ENTPD1: variants seen among roughly 807,000 people sequenced by gnomAD.
ENTPD1 encodes ectonucleoside triphosphate diphosphohydrolase 1, also known as ATP diphosphohydrolase.
In ENTPD1, 33 loss-of-function variants were observed where a neutral mutation model predicts 57.0. The ratio of observed to expected loss-of-function variants is 0.58; its 90% CI spans 0.44 to 0.77. The LOEUF (loss-of-function observed/expected upper bound fraction) is 0.77. Ranked by LOEUF, ENTPD1 falls within the 30% of genes least tolerant of loss-of-function variation. The pLI is 0.00. For synonymous variants in ENTPD1, 202 were observed against 218.8 expected, an observed-to-expected ratio of 0.92 and a Z score of 0.68; for missense variants, 501 against 603.4, an observed-to-expected ratio of 0.83 and a Z score of 1.78.
chr10:95,791,369 G>A lies in ENTPD1; in HGVS notation c.17-31868G>A, dbSNP rs182534645. Reference sequence around the variant, plus strand: ...ATGTAAAGAATGGTAAATGGAACTGGAGCTATTTAGCCTGGAGAATAGGGG... The same window carrying A: ...ATGTAAAGAATGGTAAATGGAACTGAAGCTATTTAGCCTGGAGAATAGGGG... On this transcript the variant is annotated intron_variant, in intron 1 of 9. Transcript: ENST00000371205. This position sits in a 1 kb window ranked among gnomAD's most constrained non-coding sequence, Gnocchi z 4.1. Among the ~76,000 whole-genome samples the A allele has an allele frequency of 2.0e-5, 3 of 152,254 alleles. No homozygotes were observed. In the East Asian group the frequency reaches 5.8e-4, roughly 29 times the overall value.
chr10:95,801,808 T>A (rs1271685585), intron 1 of ENTPD1, among the ~76,000 whole-genome samples: 2 of 152,120 alleles, frequency 1.3e-5, no homozygotes, highest in African/African-American at 4.8e-5. Flanking sequence ...CCTTGGTTAT[T>A]TGGGCTCTTT....
At chr10:95,805,816 GC>G (rs1210684958) in intron 1 of ENTPD1, among the ~76,000 whole-genome samples, 2 of 152,120 alleles carry the variant, frequency 1.3e-5, no homozygotes, top group African/African-American at 4.8e-5. Context: ...TTGAATATTG[GC>G]CCCCATTCTC....
At chr10:95,755,937 G>C, upstream of ENTPD1, 2 of 1,482,798 alleles carry the variant, frequency 1.3e-6, no homozygotes. Context: ...GAGAAAGAGA[G>C]AGAGATTTGA....
At chr10:95,864,482 G>C (rs2098470567) in intron 8 of ENTPD1, among the ~76,000 whole-genome samples, 1 of 152,126 alleles carries the variant, frequency 6.6e-6, no homozygotes, top group African/African-American at 2.4e-5. Flanking sequence ...TTTCCTGGAG[G>C]ACCTGTTATT....
chr10:95,825,999 TGACAGAGTAA>T (rs2098374727), intron 2 of ENTPD1, among the ~76,000 whole-genome samples: 1 of 152,222 alleles, frequency 6.6e-6, no homozygotes, highest in Admixed American at 6.5e-5. Flanking sequence ...CCAGTCTGGC[TGACAGAGTAA>T]GACTCTGTCT....
intron 1 of ENTPD1, among the ~76,000 whole-genome samples, chr10:95,820,984 A>G: frequency 6.6e-6 from 1 of 152,252 alleles, no homozygotes; most frequent in East Asian, 1.9e-4. Context: ...ACCTTGTTGA[A>G]TAGCTTGAGG....
At chr10:95,765,867 A>G (rs1318479327) in intron 1 of ENTPD1, among the ~76,000 whole-genome samples, 1 of 152,148 alleles carries the variant, frequency 6.6e-6, no homozygotes, top group Non-Finnish European at 1.5e-5. Flanking sequence ...CTTAAGTAAT[A>G]TTTTGTAGTT....
chr10:95,869,160 C>A lies in ENTPD1; in HGVS notation c.*2777C>A, dbSNP rs73315224. 3.0e-6 allele frequency: 3 copies of A among 984,308 alleles called. No individual in the cohort carries two copies. Among genetic ancestry groups the A allele is most frequent in the Non-Finnish European group, 2.4e-6 (2 of 829,792 alleles). The allele number at this position is 984,308 out of a possible 1,614,324, so 61.0% of individuals were successfully genotyped here. On this transcript the variant is annotated 3_prime_UTR_variant, in exon 10 of 10. Transcript: ENST00000371205. Reference sequence around the variant, plus strand: ...GCTAACCCTGTTCCTTTATGAGGAACCTTTTAAAGATTCCTTTATAAGGTG... The same window carrying A: ...GCTAACCCTGTTCCTTTATGAGGAAACTTTTAAAGATTCCTTTATAAGGTG...
chr10:95,739,642 ACCCCT>A (rs1287795041), intron 1 of ENTPD1, among the ~76,000 whole-genome samples: 9 of 151,868 alleles, frequency 5.9e-5, no homozygotes, highest in African/African-American at 2.2e-4. Context: ...GAAGTCTTGA[ACCCCT>A]CCAAGTCATC....
At position 95,835,582 on chromosome 10, in the gene ENTPD1, C is replaced by T. The variant is rs545159728; in HGVS notation, c.145-4109C>T. The stretch of plus-strand genomic sequence containing the variant: ...CAGTGTGTAAGCATTCTCTTGTATG[C>T]ACAATCTTGCCAGCATCTGTTATTT... On this transcript the variant is annotated intron_variant, in intron 2 of 9. Coordinates refer to ENST00000371205, the MANE Select transcript of ENTPD1 (RefSeq NM_001776.6). Among the ~76,000 whole-genome samples the T allele has an allele frequency of 2.0e-5, 3 of 152,304 alleles. No individual in the cohort carries two copies. The South Asian group carries it at 6.2e-4, about 32-fold the overall frequency.
chr10:95,742,928 T>C (rs1459460305), intron 1 of ENTPD1, among the ~76,000 whole-genome samples: 1 of 152,236 alleles, frequency 6.6e-6, no homozygotes, highest in Non-Finnish European at 1.5e-5. Flanking sequence ...CCAGGTACTC[T>C]CTACCCAGTT....
At chr10:95,760,502 A>G (rs1199676807) in intron 1 of ENTPD1, among the ~76,000 whole-genome samples, 4 of 152,224 alleles carry the variant, frequency 2.6e-5, no homozygotes, top group African/African-American at 7.2e-5. Flanking sequence ...GTAATCAAAT[A>G]AGCCTTTACA....
intron 1 of ENTPD1, 51 bp from the exon 2 acceptor site, chr10:95,823,186 C>T: frequency 6.2e-7 from 1 of 1,610,636 alleles, no homozygotes; most frequent in Non-Finnish European, 8.5e-7. Context: ...GGAGGAAAAT[C>T]AGTGTTTTTG....
intron 1 of ENTPD1, among the ~76,000 whole-genome samples, chr10:95,717,660 A>G (rs953374143): frequency 3.9e-5 from 6 of 152,114 alleles, no homozygotes; most frequent in East Asian, 1.9e-4. Context: ...TAGTCGGCCT[A>G]GGAAATCCAG....
intron 1 of ENTPD1, among the ~76,000 whole-genome samples, chr10:95,792,815 G>T (rs1247814066): frequency 6.6e-6 from 1 of 152,282 alleles, no homozygotes; most frequent in African/African-American, 2.4e-5. Context: ...GCACGGGAAA[G>T]CATTTGTTAT....
chr10:95,755,362 C>T, upstream of ENTPD1: 1 of 229,550 alleles, frequency 4.4e-6, no homozygotes, highest in South Asian at 8.6e-5. Flanking sequence ...GAGGACTTAC[C>T]TTCCTTTCAA....
chr10:95,839,948 A>G, intron 3 of ENTPD1, 140 bp downstream of exon 3: 1 of 789,344 alleles, frequency 1.3e-6, no homozygotes, highest in Non-Finnish European at 2.1e-6. Flanking sequence ...TGCTGTTGTT[A>G]TGTTATCGTT....
chr10:95,696,218 G>A, the ENTPD1 span, among the ~76,000 whole-genome samples: 6 of 151,858 alleles, frequency 4.0e-5, no homozygotes, highest in African/African-American at 9.7e-5. Context: ...TTTTGTTATA[G>A]TTAAGCAAAA....
Position 95,872,174 on chromosome 10 carries a change from T to G in ENTPD1, c.*5791T>G. On this transcript the variant is annotated 3_prime_UTR_variant, in exon 10 of 10. Coordinates refer to ENST00000371205, the MANE Select transcript of ENTPD1 (RefSeq NM_001776.6). ...TGGACTGATACCAGGAATGGTGGTG[T>G]TGCTTCCAATCTGTTGCTGCTAGAT... 5.1e-6 allele frequency: 5 copies of G among 985,476 alleles called. No individual in the cohort carries two copies. The highest frequency in any genetic ancestry group is 6.0e-6 in the Non-Finnish European group (5 of 829,942). The allele number at this position is 985,476 out of a possible 1,614,324, so 61.0% of individuals were successfully genotyped here.
Sources: allele counts gnomAD v4.1 joint callset (sites outside exome capture counted in the v4.1 genomes callset), GRCh38; gene constraint gnomAD v4.1.1; non-coding constraint Gnocchi (gnomAD v3.1); transcripts MANE v1.5; gene names NCBI Gene and HGNC (gene_info 2026-07-23, HGNC 2026-07-21).